Variants in TMTC4 observed in about 807,000 individuals in gnomAD.
The protein encoded by TMTC4 is transmembrane O-mannosyltransferase targeting cadherins 4.
A neutral mutation model predicts 86.0 loss-of-function variants in TMTC4; 65 were observed. The observed-to-expected ratio is 0.76, with a 90% CI of 0.62 to 0.93. TMTC4 has a LOEUF of 0.93. Ranked by LOEUF, TMTC4 falls within the 40% of genes least tolerant of loss-of-function variation. The probability of loss-of-function intolerance (pLI) is 0.00; values close to 1 mark genes in which losing one functional copy is unlikely to be tolerated. For missense variants in TMTC4, 866 were observed against 948.1 expected (o/e 0.91, Z 1.14); for synonymous variants, 379 against 382.5 (o/e 0.99, Z 0.11).
rs756523001 is a variant in TMTC4, at chr13:100,670,410, T to A, written c.-48A>T. 1 of 1,593,450 alleles carries A rather than the reference T, an allele frequency of 6.3e-7. No homozygotes were observed. The highest frequency in any genetic ancestry group is 8.5e-7 in the Non-Finnish European group (1 of 1,172,708). Reference sequence around the variant, plus strand: ...CCAGGGGCCAGAAGGAGGCTCAGATTTACAATCCAGAGATGAAACAGGCCG... The same window carrying A: ...CCAGGGGCCAGAAGGAGGCTCAGATATACAATCCAGAGATGAAACAGGCCG... On this transcript the variant is annotated 5_prime_UTR_variant, in exon 2 of 19. The change abolishes the stop of an existing upstream ORF in the 5' untranslated region. Coordinates refer to ENST00000342624, the MANE Select transcript of TMTC4 (RefSeq NM_032813.5).
In TMTC4 at chr13:100,635,054, G is replaced by T; in HGVS notation, c.1344C>A (p.Phe448Leu). The change falls in exon 11 of 19, where the codon TTC (phenylalanine) becomes TTA (leucine). Residue 448 changes from phenylalanine to leucine, a missense_variant. Coordinates refer to ENST00000342624, the MANE Select transcript of TMTC4 (RefSeq NM_032813.5). ...TCTTGGTATGTTTGCTCAGGGCTCC[G>T]AATCCAAAAGTCAGCAGCACACAGT... ...VGYCVLLTFG[F>L]GALSKHTKKK... The T allele has an allele frequency of 6.2e-7, 1 of 1,612,986 alleles. No individual in the cohort carries two copies. Among genetic ancestry groups the T allele is most frequent in the Non-Finnish European group, 8.5e-7 (1 of 1,179,538 alleles).
chr13:100,660,815 G>A (rs768324190), intron 5 of TMTC4, among the ~76,000 whole-genome samples: 5 of 151,976 alleles, frequency 3.3e-5, no homozygotes, highest in Admixed American at 6.6e-5. Context: ...CACCATGCCC[G>A]GCTCATTTTT....
At chr13:100,614,027 C>G (rs1012054609) in intron 16 of TMTC4, among the ~76,000 whole-genome samples, 3 of 151,596 alleles carry the variant, frequency 2.0e-5, no homozygotes, top group African/African-American at 7.3e-5. Flanking sequence ...TTAGTACGGA[C>G]AGGGTTTCTC....
chr13:100,656,199 C>G (rs946841), intron 6 of TMTC4, among the ~76,000 whole-genome samples, 182 bp downstream of exon 6: 2 of 152,044 alleles, frequency 1.3e-5, no homozygotes, highest in Non-Finnish European at 2.9e-5. Context: ...CTTTGCATTA[C>G]GGAAAAAGCA....
At chr13:100,648,866 T>C (rs948472151) in intron 6 of TMTC4, among the ~76,000 whole-genome samples, 1 of 152,126 alleles carries the variant, frequency 6.6e-6, no homozygotes, top group Non-Finnish European at 1.5e-5. Context: ...ATTTTTATTT[T>C]TGTCGAGAAA....
intron 6 of TMTC4, among the ~76,000 whole-genome samples, chr13:100,651,326 ACT>A (rs1884405717): frequency 6.6e-6 from 1 of 152,106 alleles, no homozygotes; most frequent in Non-Finnish European, 1.5e-5. Context: ...TAAGAATAAC[ACT>A]TTTTGTTTTG....
At chr13:100,641,679 G>T (rs1883036051) in intron 7 of TMTC4, among the ~76,000 whole-genome samples, 2 of 152,096 alleles carry the variant, frequency 1.3e-5, no homozygotes, top group Non-Finnish European at 2.9e-5. Flanking sequence ...TAGAGAAGGG[G>T]TTTCTCCATG....
At chr13:100,652,428 G>A (rs1415224468) in intron 6 of TMTC4, among the ~76,000 whole-genome samples, 4 of 152,150 alleles carry the variant, frequency 2.6e-5, no homozygotes, top group Non-Finnish European at 5.9e-5. Flanking sequence ...GCAGTGAGCT[G>A]AGATTGTACC....
intron 5 of TMTC4, 70 bp from the exon 6 acceptor site, chr13:100,656,538 A>G (rs1222134235): frequency 3.5e-5 from 24 of 692,802 alleles, no homozygotes; most frequent in Non-Finnish European, 4.7e-5. Context: ...CTTAGGAGAC[A>G]TAACTTTTTT....
rs1396904173 is a variant in TMTC4 at position 100,674,065 on chromosome 13, A to C, written c.-208+679T>G. Reference sequence around the variant, plus strand: ...AGCCCATAGCCACAACATCAACAAGACCAGAAGCCCCGCAGAGTTCGCAGG... The same window carrying C: ...AGCCCATAGCCACAACATCAACAAGCCCAGAAGCCCCGCAGAGTTCGCAGG... On this transcript the variant is annotated intron_variant, in intron 1 of 18. Coordinates refer to ENST00000342624, the MANE Select transcript of TMTC4 (RefSeq NM_032813.5). 5.1e-6 allele frequency: 5 copies of C among 984,754 alleles called. No individual in the cohort carries two copies. The Admixed American group carries it at 1.8e-4, about 36-fold the overall frequency. The allele number at this position is 984,754 out of a possible 1,614,324, so 61.0% of individuals were successfully genotyped here. A position where few individuals can be genotyped will look rare whatever the true frequency, so the allele number is the denominator to read the frequency against.
chr13:100,641,756 G>A (rs1883048703), intron 7 of TMTC4, among the ~76,000 whole-genome samples: 1 of 152,158 alleles, frequency 6.6e-6, no homozygotes, highest in Non-Finnish European at 1.5e-5. Context: ...CAAAGTGCTG[G>A]GATTACAGGC....
chr13:100,661,836 T>C (rs889424469), intron 5 of TMTC4, among the ~76,000 whole-genome samples: 2 of 152,182 alleles, frequency 1.3e-5, no homozygotes, highest in Non-Finnish European at 2.9e-5. Context: ...ATTGGTTAAA[T>C]GTAGATATTT....
intron 6 of TMTC4, among the ~76,000 whole-genome samples, chr13:100,648,475 G>A (rs1360873101): frequency 6.6e-6 from 1 of 151,950 alleles, no homozygotes; most frequent in Non-Finnish European, 1.5e-5. Flanking sequence ...AGTTTTCAAT[G>A]CCACATATGG....
chr13:100,625,996 AG>A (rs1367093968), intron 13 of TMTC4, 74 bp downstream of exon 13: 2 of 1,600,862 alleles, frequency 1.2e-6, no homozygotes, highest in African/African-American at 2.7e-5. Flanking sequence ...GGGTCTTTAA[AG>A]GAACAGGTGT....
Position 100,674,776 on chromosome 13 carries a change from C to A in TMTC4, c.-240G>T. ...GAGCCTGAGCCCCGGCCGCATCTCC[C>A]TCCCGGGTGCGGAAACTCTGGCGGC... On this transcript the variant is annotated 5_prime_UTR_variant, in exon 1 of 19. The change creates a new upstream start codon in the 5' untranslated region. Coordinates refer to ENST00000342624, the MANE Select transcript of TMTC4 (RefSeq NM_032813.5). 1 of 983,942 alleles carries A rather than the reference C, an allele frequency of 1.0e-6. No homozygotes were observed. The highest frequency in any genetic ancestry group is 1.2e-6 in the Non-Finnish European group (1 of 829,374). The allele number at this position is 983,942 out of a possible 1,614,324, so 61.0% of individuals were successfully genotyped here.
At chr13:100,636,914 T>C (rs1277780832) in intron 9 of TMTC4, among the ~76,000 whole-genome samples, 180 bp from the exon 10 acceptor site, 12 of 152,214 alleles carry the variant, frequency 7.9e-5, no homozygotes, top group Admixed American at 7.9e-4. Flanking sequence ...ATGTATTAAA[T>C]GTATTCAGAT....
chr13:100,642,133 G>T, intron 7 of TMTC4, 78 bp downstream of exon 7: 1 of 1,488,586 alleles, frequency 6.7e-7, no homozygotes. Flanking sequence ...CACAGAGGCA[G>T]GGCCAGCCCC....
chr13:100,668,436 AAG>A (rs1266615825), intron 3 of TMTC4, 141 bp downstream of exon 3: 10 of 824,876 alleles, frequency 1.2e-5, no homozygotes, highest in East Asian at 5.4e-5. Context: ...CGATGTTGAA[AAG>A]AGAGAAAAAT....
At chr13:100,650,615 C>A (rs1369409106) in intron 6 of TMTC4, among the ~76,000 whole-genome samples, 1 of 152,238 alleles carries the variant, frequency 6.6e-6, no homozygotes, top group East Asian at 1.9e-4. Context: ...GATTCGCGTT[C>A]CAAAAGCTGG....
Sources: gnomAD v4.1 joint callset for allele counts (sites outside exome capture counted in the v4.1 genomes callset) on GRCh38, gnomAD v4.1.1 for gene constraint, MANE v1.5 for transcripts, NCBI Gene and HGNC (gene_info 2026-07-23, HGNC 2026-07-21) for gene names.